Variants in NAALADL2 observed in about 807,000 individuals in gnomAD.
The protein encoded by NAALADL2 is inactive N-acetylated-alpha-linked acidic dipeptidase-like protein 2.
A neutral mutation model predicts 87.2 loss-of-function variants in NAALADL2; 76 were observed. That is an observed-to-expected ratio of 0.87 (90% confidence interval 0.72 to 1.05). The LOEUF (loss-of-function observed/expected upper bound fraction) is 1.05, where lower values mean the gene tolerates loss of function less well. Ranked by LOEUF, NAALADL2 falls within the 50% of genes least tolerant of loss-of-function variation. The pLI is 0.00. For missense variants in NAALADL2, 1,089 were observed against 945.8 expected (o/e 1.15, Z -1.99); for synonymous variants, 354 against 331.0 (o/e 1.07, Z -0.75).
intron 1 of NAALADL2, among the ~76,000 whole-genome samples, chr3:174,947,710 G>T (rs1479507935): frequency 3.3e-5 from 5 of 151,224 alleles, no homozygotes. Flanking sequence ...AAATCCACAT[G>T]AATAGTGATA....
At chr3:175,671,161 T>A (rs576610624) in intron 11 of NAALADL2, among the ~76,000 whole-genome samples, 1 of 151,292 alleles carries the variant, frequency 6.6e-6, no homozygotes, top group South Asian at 2.1e-4. Context: ...ATTTGAACAT[T>A]TTTCCAAAGG....
intron 11 of NAALADL2, among the ~76,000 whole-genome samples, chr3:175,649,138 C>T (rs1560912344): frequency 6.6e-6 from 1 of 152,138 alleles, no homozygotes; most frequent in Non-Finnish European, 1.5e-5. Flanking sequence ...GATATGGCAT[C>T]AGCAATTTAT....
At chr3:175,705,253 C>T (rs562692771) in intron 11 of NAALADL2, among the ~76,000 whole-genome samples, 32 of 152,122 alleles carry the variant, frequency 2.1e-4, no homozygotes, top group Middle Eastern at 3.4e-3. Context: ...GAGTAAAAAA[C>T]GACATAGGAA....
At chr3:175,150,623 T>C (rs1218641275) in intron 2 of NAALADL2, among the ~76,000 whole-genome samples, 1 of 152,190 alleles carries the variant, frequency 6.6e-6, no homozygotes, top group Non-Finnish European at 1.5e-5. Flanking sequence ...TTTGCATTCA[T>C]TTGTCATAAC....
intron 11 of NAALADL2, among the ~76,000 whole-genome samples, chr3:175,663,067 T>C (rs1732476269): frequency 6.6e-6 from 1 of 151,934 alleles, no homozygotes; most frequent in Non-Finnish European, 1.5e-5. Flanking sequence ...TTTGAGATAC[T>C]TTGGGTAGAA....
chr3:174,806,635 A>G (rs970805571), intron 3 of NAALADL2, among the ~76,000 whole-genome samples: 1 of 152,220 alleles, frequency 6.6e-6, no homozygotes, highest in Non-Finnish European at 1.5e-5. Context: ...GTCCAGATGC[A>G]CAGATAATAA....
intron 12 of NAALADL2, among the ~76,000 whole-genome samples, chr3:175,737,724 T>G (rs1245999328): frequency 4.3e-5 from 6 of 140,002 alleles, no homozygotes; most frequent in Non-Finnish European, 7.7e-5. Flanking sequence ...GTTTTTTTTT[T>G]TTTTTTTTTT....
At chr3:175,688,350 A>G (rs1411241293) in intron 11 of NAALADL2, among the ~76,000 whole-genome samples, 1 of 152,140 alleles carries the variant, frequency 6.6e-6, no homozygotes, top group African/African-American at 2.4e-5. Context: ...AAAGAACAAG[A>G]TTATTGAATA....
intron 2 of NAALADL2, among the ~76,000 whole-genome samples, chr3:175,106,758 T>A (rs1369742653): frequency 6.6e-6 from 1 of 152,092 alleles, no homozygotes; most frequent in Non-Finnish European, 1.5e-5. Flanking sequence ...CGTGGTCCTT[T>A]GAAATTTGCA....
intron 9 of NAALADL2, among the ~76,000 whole-genome samples, chr3:175,529,051 C>G (rs1177864192): frequency 3.3e-5 from 5 of 152,162 alleles, no homozygotes; most frequent in African/African-American, 9.7e-5. Flanking sequence ...AGGGTCTGGG[C>G]CATTTGTAGT....
chr3:175,362,188 A>G (rs1012590914), intron 5 of NAALADL2, among the ~76,000 whole-genome samples: 2 of 147,540 alleles, frequency 1.4e-5, no homozygotes, highest in South Asian at 2.2e-4. Flanking sequence ...GATGTGTGGT[A>G]TTATTTCTGA....
Position 175,559,270 on chromosome 3 carries a change from GTTAT to G in NAALADL2, c.1654-16765_1654-16762del, listed in dbSNP as rs202099921. Among the ~76,000 whole-genome samples the G allele has an allele frequency of 2.7e-3, 308 of 115,436 alleles. 8 individuals carry two copies. The East Asian group carries it at 0.055, about 21-fold the overall frequency. The allele number at this position is 115,436 out of a possible 152,430, so 75.7% of individuals were successfully genotyped here. A position where few individuals can be genotyped will look rare whatever the true frequency, so the allele number is the denominator to read the frequency against. Reference sequence around the variant, plus strand: ...AAATGCTACTAATTTTTGTATGTTAGTTATTTATTGTGTAATTTTTTTTGAATTT... The same window carrying G: ...AAATGCTACTAATTTTTGTATGTTAGTTATTGTGTAATTTTTTTTGAATTT... On this transcript the variant is annotated intron_variant, in intron 9 of 13. Coordinates refer to ENST00000454872, the MANE Select transcript of NAALADL2 (RefSeq NM_207015.3).
At chr3:175,592,895 TA>T (rs1721723103) in intron 10 of NAALADL2, among the ~76,000 whole-genome samples, 3 of 149,884 alleles carry the variant, frequency 2.0e-5, no homozygotes, top group Non-Finnish European at 4.5e-5. Context: ...ATAATAATAA[TA>T]AAATAAAAAA....
intron 4 of NAALADL2, 56 bp from the exon 5 acceptor site, chr3:175,324,119 A>C: frequency 6.9e-7 from 1 of 1,459,522 alleles, no homozygotes; most frequent in Non-Finnish European, 9.4e-7. Context: ...AAATGGCACT[A>C]TATGAACTTT....
intron 2 of NAALADL2, among the ~76,000 whole-genome samples, chr3:175,182,582 G>A (rs34884908): frequency 5.7e-5 from 2 of 34,830 alleles, no homozygotes; most frequent in African/African-American, 2.1e-4. Flanking sequence ...TTTTTTTGTA[G>A]AGATGTGGTC....
chr3:174,817,247 GT>G (rs1390676267), intron 3 of NAALADL2, among the ~76,000 whole-genome samples: 1 of 152,108 alleles, frequency 6.6e-6, no homozygotes, highest in Non-Finnish European at 1.5e-5. Context: ...TTGTTTTAGG[GT>G]ACTTGGCAAA....
At chr3:175,062,037 T>A (rs1433690402) in intron 1 of NAALADL2, among the ~76,000 whole-genome samples, 1 of 151,738 alleles carries the variant, frequency 6.6e-6, no homozygotes, top group East Asian at 1.9e-4. Flanking sequence ...GGGAAAGGAG[T>A]CTTTATTTTC....
At chr3:174,560,345 C>G (rs1238161402) in intron 2 of NAALADL2, among the ~76,000 whole-genome samples, 2 of 152,024 alleles carry the variant, frequency 1.3e-5, no homozygotes, top group Non-Finnish European at 2.9e-5. Flanking sequence ...TACTTAATTC[C>G]CATTGAACAG....
At chr3:174,687,086 G>T (rs539136815) in intron 2 of NAALADL2, among the ~76,000 whole-genome samples, 1 of 152,028 alleles carries the variant, frequency 6.6e-6, no homozygotes, top group Admixed American at 6.6e-5. Flanking sequence ...TACAATGCCT[G>T]TACAATGGAA....
Sources: allele counts gnomAD v4.1 joint callset (sites outside exome capture counted in the v4.1 genomes callset), GRCh38; gene constraint gnomAD v4.1.1; transcripts MANE v1.5; gene names NCBI Gene and HGNC (gene_info 2026-07-23, HGNC 2026-07-21).